Variants in MEGF11 observed in about 807,000 individuals in gnomAD.
The protein encoded by MEGF11 is multiple epidermal growth factor-like domains protein 11.
A neutral mutation model predicts 146.6 loss-of-function variants in MEGF11; 126 were observed. The observed-to-expected ratio is 0.86, with a 90% CI of 0.74 to 1.00. The LOEUF is 1.00. Among genes scored for constraint, MEGF11 ranks in the 50% least tolerant of loss-of-function variants. MEGF11 has a pLI of 0.00. For missense variants in MEGF11, 1,509 were observed against 1,521.2 expected, an observed-to-expected ratio of 0.99 and a Z score of 0.13; for synonymous variants, 532 against 583.4, an observed-to-expected ratio of 0.91 and a Z score of 1.27.
chr15:66,195,886 C>G (rs902103181), intron 1 of MEGF11, among the ~76,000 whole-genome samples: 1 of 152,200 alleles, frequency 6.6e-6, no homozygotes, highest in African/African-American at 2.4e-5. Context: ...GAACTGGTCA[C>G]CACAGCAGGG....
At chr15:66,042,734 C>G (rs967377528) in intron 5 of MEGF11, among the ~76,000 whole-genome samples, 2 of 152,216 alleles carry the variant, frequency 1.3e-5, no homozygotes, top group African/African-American at 4.8e-5. Context: ...GCCTTCCTTG[C>G]TGGCCGCTGC....
rs570407525 is a variant in MEGF11 at position 65,895,933 on chromosome 15, C to G, written c.*2001G>C. The G allele has an allele frequency of 6.6e-6, 1 of 152,168 alleles. No individual in the cohort carries two copies. The highest frequency in any genetic ancestry group is 6.6e-5 in the Admixed American group (1 of 15,262). The allele number at this position is 152,168 out of a possible 1,614,324, so 9.4% of individuals were successfully genotyped here. A position where few individuals can be genotyped will look rare whatever the true frequency, so the allele number is the denominator to read the frequency against. On this transcript the variant is annotated 3_prime_UTR_variant, in exon 26 of 26. Transcript: ENST00000395614. ...CCCAGAGGATAGTTGACAAAAGCGGCGAAACTTCAAACTTGAGTGATGCTG... is the reference window on the plus strand; with the variant it reads ...CCCAGAGGATAGTTGACAAAAGCGGGGAAACTTCAAACTTGAGTGATGCTG...
At chr15:66,029,706 G>A (rs2140229388) in intron 5 of MEGF11, among the ~76,000 whole-genome samples, 1 of 152,320 alleles carries the variant, frequency 6.6e-6, no homozygotes. Context: ...AGTTACCTCT[G>A]TCCTGGGAGC....
rs3221608 is a variant in MEGF11, at chr15:66,160,664, GACACACAC to G, written c.-8-32261_-8-32254del. Among the ~76,000 whole-genome samples the G allele has an allele frequency of 4.9e-3, 680 of 137,608 alleles. 2 individuals carry two copies. The highest frequency in any genetic ancestry group is 0.017 in the African/African-American group (596 of 34,924). 90.3% of individuals were successfully genotyped at this position (137,608 alleles called of 152,430 possible). A position where few individuals can be genotyped will look rare whatever the true frequency, so the allele number is the denominator to read the frequency against. ...CAGGCACTGCTCTAGGCCCTAAGGG[GACACACAC>G]ACACACACACACACACACACACACA... On this transcript the variant is annotated intron_variant, in intron 1 of 25. Coordinates refer to ENST00000395614, the MANE Select transcript of MEGF11 (RefSeq NM_001385028.1).
intron 23 of MEGF11, among the ~76,000 whole-genome samples, chr15:65,907,102 C>T (rs897755768): frequency 6.6e-6 from 1 of 152,170 alleles, no homozygotes; most frequent in Non-Finnish European, 1.5e-5. Context: ...CAAGTACTTA[C>T]TAAAATACAG....
chr15:66,151,877 G>A (rs1422319092), intron 1 of MEGF11, among the ~76,000 whole-genome samples: 2 of 152,258 alleles, frequency 1.3e-5, no homozygotes, highest in Non-Finnish European at 1.5e-5. Context: ...CCACCCGGCT[G>A]CTGCCCAGAT....
At chr15:66,221,929 C>T (rs965198314) in intron 1 of MEGF11, among the ~76,000 whole-genome samples, 2 of 152,066 alleles carry the variant, frequency 1.3e-5, no homozygotes, top group African/African-American at 2.4e-5. Context: ...TCAAGCTGGC[C>T]GGCAATAAGT....
intron 5 of MEGF11, among the ~76,000 whole-genome samples, chr15:66,071,601 CT>C (rs1026797900): frequency 2.6e-5 from 4 of 152,332 alleles, no homozygotes; most frequent in Non-Finnish European, 5.9e-5. Flanking sequence ...CATCGGGGAT[CT>C]GTCATTTCTC....
intron 5 of MEGF11, among the ~76,000 whole-genome samples, chr15:65,990,632 G>GAAAAAAAAGAAAAGAAAA: frequency 2.9e-5 from 2 of 70,122 alleles, no homozygotes; most frequent in Admixed American, 1.3e-4. Flanking sequence ...AAGAAAAAAA[G>GAAAAAAAAGAAAAGAAAA]AGAAAGGAAA....
intron 5 of MEGF11, among the ~76,000 whole-genome samples, chr15:66,028,446 T>C (rs572165683): frequency 2.6e-5 from 4 of 152,282 alleles, no homozygotes; most frequent in Non-Finnish European, 4.4e-5. Flanking sequence ...ATGTTGAAAA[T>C]AGGAATGATC....
At chr15:65,899,756 C>G (rs1432648616) in intron 24 of MEGF11, among the ~76,000 whole-genome samples, 2 of 152,134 alleles carry the variant, frequency 1.3e-5, no homozygotes, top group Non-Finnish European at 2.9e-5. Flanking sequence ...GTTGCTTACC[C>G]CCCTGTTCTT....
At chr15:66,043,515 C>T (rs1005589109) in intron 5 of MEGF11, among the ~76,000 whole-genome samples, 1 of 152,052 alleles carries the variant, frequency 6.6e-6, no homozygotes, top group Non-Finnish European at 1.5e-5. Context: ...TAATTATGCC[C>T]GCGTGATGTT....
intron 7 of MEGF11, 192 bp from the exon 8 acceptor site, chr15:65,970,881 G>C (rs2081279831): frequency 1.6e-6 from 1 of 617,170 alleles, no homozygotes; most frequent in Non-Finnish European, 2.8e-6. Flanking sequence ...TGCTCATCCA[G>C]TTATTCAGCA....
intron 1 of MEGF11, among the ~76,000 whole-genome samples, chr15:66,241,901 C>T (rs1263034188): frequency 6.6e-6 from 1 of 152,178 alleles, no homozygotes; most frequent in African/African-American, 2.4e-5. Flanking sequence ...ACGTGGATAA[C>T]AGCAGCACAT....
chr15:66,245,487 C>T (rs1253140298), intron 1 of MEGF11, among the ~76,000 whole-genome samples: 1 of 150,602 alleles, frequency 6.6e-6, no homozygotes, highest in Admixed American at 6.6e-5. Context: ...AAAAAATTAG[C>T]CAGGCATGGT....
chr15:65,914,094 C>A, intron 19 of MEGF11, 121 bp from the exon 20 acceptor site: 1 of 751,288 alleles, frequency 1.3e-6, no homozygotes, highest in Non-Finnish European at 2.2e-6. Context: ...GGCTTTGGCC[C>A]GATTCCTGAG....
chr15:66,011,006 C>A (rs937966303), intron 5 of MEGF11, among the ~76,000 whole-genome samples: 2 of 152,172 alleles, frequency 1.3e-5, no homozygotes, highest in Non-Finnish European at 2.9e-5. Context: ...CTCTATGTGG[C>A]AGCCACACTC....
At chr15:66,164,898 C>A (rs2090056084) in intron 1 of MEGF11, among the ~76,000 whole-genome samples, 1 of 152,192 alleles carries the variant, frequency 6.6e-6, no homozygotes, top group Non-Finnish European at 1.5e-5. Context: ...CAGGTGACTG[C>A]AGCTACTAAC....
chr15:66,071,823 G>A (rs1474579829), intron 5 of MEGF11, among the ~76,000 whole-genome samples: 1 of 152,210 alleles, frequency 6.6e-6, no homozygotes, highest in African/African-American at 2.4e-5. Flanking sequence ...TTCTTTTGCT[G>A]ATGGGGCAAT....
Sources: gnomAD v4.1 joint callset for allele counts (sites outside exome capture counted in the v4.1 genomes callset) on GRCh38, gnomAD v4.1.1 for gene constraint, MANE v1.5 for transcripts, NCBI Gene and HGNC (gene_info 2026-07-23, HGNC 2026-07-21) for gene names.